Variants in DGLUCY observed in about 807,000 individuals in gnomAD.
DGLUCY encodes the protein D-glutamate cyclase.
Under a neutral mutation model 58.5 loss-of-function variants are expected in DGLUCY, and 58 were observed. The ratio of observed to expected loss-of-function variants is 0.99; its 90% confidence interval spans 0.80 to 1.23. DGLUCY has a LOEUF of 1.23. Among genes scored for constraint, DGLUCY ranks in the 50% most tolerant of loss-of-function variants. DGLUCY has a pLI of 0.00. For missense variants in DGLUCY, 779 were observed against 784.7 expected, an observed-to-expected ratio of 0.99 and a Z score of 0.09; for synonymous variants, 325 against 314.1, an observed-to-expected ratio of 1.03 and a Z score of -0.37.
chr14:91,208,425 T>C (rs2140667519), intron 12 of DGLUCY, among the ~76,000 whole-genome samples: 1 of 152,312 alleles, frequency 6.6e-6, no homozygotes, highest in Non-Finnish European at 1.5e-5. Context: ...CATATGTATA[T>C]ATATGCTTAT....
chr14:91,169,905 T>C, intron 4 of DGLUCY, 98 bp from the exon 5 acceptor site: 1 of 1,314,070 alleles, frequency 7.6e-7, no homozygotes, highest in Non-Finnish European at 1.1e-6. Context: ...ATTTCAGCAC[T>C]AGACATCCTC....
chr14:91,097,895 G>A (rs1463332336), intron 1 of DGLUCY, among the ~76,000 whole-genome samples: 1 of 152,154 alleles, frequency 6.6e-6, no homozygotes, highest in Non-Finnish European at 1.5e-5. Context: ...TACCTTGTAT[G>A]ATGTCACTTG....
chr14:91,078,067 C>T lies in DGLUCY; in HGVS notation c.-82+17363C>T, dbSNP rs114148978. Among the ~76,000 whole-genome samples, 1,141 of 152,198 alleles carry T rather than the reference C, an allele frequency of 7.5e-3. 10 individuals carry two copies. Among genetic ancestry groups the T allele is most frequent in the Middle Eastern group, 0.027 (8 of 294 alleles). On this transcript the variant is annotated intron_variant, in intron 1 of 4. Transcript: ENST00000521334. Reference sequence around the variant, plus strand: ...ATTATTTTTGAGACAGCTGCTCTGTCGCCCAGGCTGGAGTACAGGGACTCA... The same window carrying T: ...ATTATTTTTGAGACAGCTGCTCTGTTGCCCAGGCTGGAGTACAGGGACTCA...
At chr14:91,173,613 A>T (rs542841067) in intron 6 of DGLUCY, 174 bp downstream of exon 6, 1 of 896,950 alleles carries the variant, frequency 1.1e-6, no homozygotes, top group Non-Finnish European at 1.6e-6. Flanking sequence ...AGAAGCAGAC[A>T]GGAGTTTGCC....
At chr14:91,196,857 A>G (rs1161333833) in intron 10 of DGLUCY, among the ~76,000 whole-genome samples, 1 of 152,198 alleles carries the variant, frequency 6.6e-6, no homozygotes, top group Non-Finnish European at 1.5e-5. Context: ...GGAAAATGAA[A>G]TAGAAATACA....
intron 1 of DGLUCY, among the ~76,000 whole-genome samples, chr14:91,068,269 T>G (rs540186664): frequency 6.6e-6 from 1 of 152,294 alleles, no homozygotes; most frequent in East Asian, 1.9e-4. Flanking sequence ...AAGGGAAGAT[T>G]CAAGTTTAAG....
chr14:91,100,931 C>G (rs780898001), intron 1 of DGLUCY, among the ~76,000 whole-genome samples: 1 of 152,042 alleles, frequency 6.6e-6, no homozygotes, highest in Non-Finnish European at 1.5e-5. Context: ...ATTAGCTGGG[C>G]ATGGTGGCGC....
intron 13 of DGLUCY, among the ~76,000 whole-genome samples, chr14:91,217,693 G>A (rs1157884339): frequency 6.6e-6 from 1 of 152,036 alleles, no homozygotes; most frequent in South Asian, 2.1e-4. Flanking sequence ...TCTCCAAGTT[G>A]GCGAGGCTGG....
At chr14:91,144,991 G>A (rs1174419649) in intron 1 of DGLUCY, among the ~76,000 whole-genome samples, 3 of 152,042 alleles carry the variant, frequency 2.0e-5, no homozygotes, top group Non-Finnish European at 4.4e-5. Context: ...AGCATTTACC[G>A]GATTACTAGC....
chr14:91,149,828 T>C (rs1251687557), intron 1 of DGLUCY, among the ~76,000 whole-genome samples: 1 of 152,212 alleles, frequency 6.6e-6, no homozygotes, highest in Non-Finnish European at 1.5e-5. Context: ...AGATTTACTT[T>C]GAAGAATGAG....
chr14:91,138,920 A>G (rs1281325756), intron 1 of DGLUCY, among the ~76,000 whole-genome samples: 1 of 152,122 alleles, frequency 6.6e-6, no homozygotes, highest in Non-Finnish European at 1.5e-5. Context: ...CCTGAGCAGG[A>G]GCTCAACAAA....
chr14:91,101,941 C>T (rs530999990), intron 1 of DGLUCY, among the ~76,000 whole-genome samples: 4 of 152,164 alleles, frequency 2.6e-5, no homozygotes, highest in Non-Finnish European at 4.4e-5. Context: ...AATCCTCCCA[C>T]CTTGGCCTCC....
At chr14:91,077,440 AAG>A (rs1303977895) in intron 1 of DGLUCY, among the ~76,000 whole-genome samples, 3 of 149,332 alleles carry the variant, frequency 2.0e-5, no homozygotes, top group East Asian at 2.0e-4. Flanking sequence ...GGAAGGAAGG[AAG>A]AGAGAGAGAA....
intron 1 of DGLUCY, among the ~76,000 whole-genome samples, chr14:91,156,624 GTC>G (rs2047635833): frequency 6.6e-6 from 1 of 152,204 alleles, no homozygotes; most frequent in South Asian, 2.1e-4. Flanking sequence ...GGGGTTGACT[GTC>G]TGTGGGGCTC....
chr14:91,102,743 ATGTGTGTGTGTGTG>A (rs548653144), intron 1 of DGLUCY, among the ~76,000 whole-genome samples: 28 of 130,680 alleles, frequency 2.1e-4, no homozygotes, highest in African/African-American at 5.7e-4. Context: ...TCCAGTGTGT[ATGTGTGTGTGTGTG>A]TGTGTGTGTG....
At chr14:91,132,960 G>A (rs923080421) in intron 1 of DGLUCY, among the ~76,000 whole-genome samples, 2 of 151,928 alleles carry the variant, frequency 1.3e-5, no homozygotes, top group African/African-American at 2.4e-5. Context: ...TGTCTTTCAT[G>A]TCTCCAAGGT....
In DGLUCY at chr14:91,209,273, C is replaced by A. The variant is rs185471716; in HGVS notation, c.1564+4448C>A. 5.3e-5 allele frequency among the ~76,000 whole-genome samples: 8 copies of A among 151,658 alleles called. No homozygotes were observed. The East Asian group carries it at 1.6e-3, about 30-fold the overall frequency. On this transcript the variant is annotated intron_variant, in intron 12 of 13. Transcript: ENST00000256324. Reference sequence around the variant, plus strand: ...GTGAGATTCGGTCTCAAAACAACAACAACGACGACAAAACAAAAGAACAAA... The same window carrying A: ...GTGAGATTCGGTCTCAAAACAACAAAAACGACGACAAAACAAAAGAACAAA...
chr14:91,169,584 A>G (rs1209000655), intron 4 of DGLUCY, among the ~76,000 whole-genome samples: 1 of 151,496 alleles, frequency 6.6e-6, no homozygotes, highest in Non-Finnish European at 1.5e-5. Flanking sequence ...TAGTTTTTGT[A>G]TTTTTAGTAT....
intron 1 of DGLUCY, among the ~76,000 whole-genome samples, chr14:91,124,304 A>T (rs1019537691): frequency 6.6e-6 from 1 of 152,130 alleles, no homozygotes; most frequent in Non-Finnish European, 1.5e-5. Flanking sequence ...GCTGTCAAGG[A>T]GCTGAGCAGA....
Sources: gnomAD v4.1 joint callset for allele counts (sites outside exome capture counted in the v4.1 genomes callset) on GRCh38, gnomAD v4.1.1 for gene constraint, MANE v1.5 for transcripts, NCBI Gene and HGNC (gene_info 2026-07-23, HGNC 2026-07-21) for gene names.